The following ESX1 variants were observed in gnomAD, a reference collection of about 807,000 sequenced individuals.
ESX1 encodes the protein homeobox protein ESX1.
Under a neutral mutation model 13.2 loss-of-function variants are expected in ESX1, and 2 were observed. That is an observed-to-expected ratio of 0.15 (90% CI 0.06 to 0.48). ESX1 has a LOEUF of 0.48. Among genes scored for constraint, ESX1 ranks in the 20% least tolerant of loss-of-function variants. The pLI is 0.97. For missense variants in ESX1, 307 were observed against 379.0 expected (o/e 0.81, Z 1.58); for synonymous variants, 157 against 163.1 (o/e 0.96, Z 0.29).
At position 104,250,479 on chromosome X, in the gene ESX1, C is replaced by A. The variant is rs1439367756; in HGVS notation, c.970G>T (p.Gly324Trp). The A allele has an allele frequency of 9.6e-6, 9 of 936,706 alleles. 1 individual carries two copies. The Admixed American group carries it at 2.8e-4, about 29-fold the overall frequency. 77.2% of individuals were successfully genotyped at this position (936,706 alleles called of 1,213,427 possible). ...TGPPMAPVPP[G>W]PPMARVPPGP... ...GGTGGCACACGCGCCATGGGCGGCC[C>A]GGGTGGCACAGGCGCCATGGGCGGC... is the stretch of plus-strand genomic sequence containing the variant. Residue 324 changes from glycine (G) to tryptophan (W), a missense_variant, in exon 4 of 4, where the codon GGG becomes TGG. Physicochemically the swap from Gly to Trp is radical, Grantham distance 184 (BLOSUM62 -2). Transcript: ENST00000372588.
At position 104,254,459 on chromosome X, in the gene ESX1, G is replaced by C. The variant is rs781971606; in HGVS notation, c.201C>G (p.Val67=). 4.1e-6 allele frequency: 5 copies of C among 1,210,741 alleles called. No individual in the cohort carries two copies. Among genetic ancestry groups the C allele is most frequent in the Non-Finnish European group, 5.6e-6 (5 of 895,372 alleles). The change falls in exon 2 of 4, where the codon GTC becomes GTG. Residue 67 remains valine (V), a synonymous_variant. Coordinates refer to ENST00000372588, the MANE Select transcript of ESX1 (RefSeq NM_153448.4). ...AENNVGTEGS[V]PSDDQDREGG... ...CCTCACGGTCTTGGTCGTCCGAGGG[G>C]ACGGACCCTTCCGTGCCAACGTTGT...
chrX:104,251,688 C>T (rs1923187481), intron 3 of ESX1, among the ~76,000 whole-genome samples: 1 of 112,125 alleles, frequency 8.9e-6, no homozygotes, highest in Non-Finnish European at 1.9e-5. Flanking sequence ...CAAAATTAGT[C>T]ATAACTGCCT....
At position 104,250,665 on chromosome X, in the gene ESX1, G is replaced by T. The variant is rs1556394098; in HGVS notation, c.784C>A (p.Pro262Thr). 2 of 1,211,384 alleles carry T rather than the reference G, an allele frequency of 1.7e-6. No individual in the cohort carries two copies. ...ATAGGTGCTATGGGTGGCCTGGGTGGCATAGGGACCATGGGTGGCCTGGGT... is the reference window on the plus strand; with the variant it reads ...ATAGGTGCTATGGGTGGCCTGGGTGTCATAGGGACCATGGGTGGCCTGGGT... ...MPPRPPMVPM[P>T]PRPPIAPMPP... The change falls in exon 4 of 4, where the codon CCA becomes ACA. Residue 262 changes from proline (P) to threonine (T), a missense_variant. Physicochemically the swap from Pro to Thr is conservative, Grantham distance 38. This residue lies in a region of ESX1 where 108 missense variants were observed against 147.5 expected (regional missense o/e 0.73). Coordinates refer to ENST00000372588, the MANE Select transcript of ESX1 (RefSeq NM_153448.4).
rs1191346924 is a variant in ESX1, at chrX:104,252,636, T to C, written c.552+147A>G. On this transcript the variant is annotated intron_variant, in intron 3 of 3. Transcript: ENST00000372588. Reference sequence around the variant, plus strand: ...TCTGAAGTTTACACATCCTATTTTCTACCACTAAAGCCCCTACTGTTCAAA... The same window carrying C: ...TCTGAAGTTTACACATCCTATTTTCCACCACTAAAGCCCCTACTGTTCAAA... The C allele has an allele frequency of 1.1e-5, 6 of 537,721 alleles. No individual in the cohort carries two copies. In the Middle Eastern group the frequency reaches 9.8e-4, roughly 87 times the overall value. 44.3% of individuals were successfully genotyped at this position (537,721 alleles called of 1,213,427 possible).
At chrX:104,253,149 A>G (rs1923224475) in intron 2 of ESX1, among the ~76,000 whole-genome samples, 1 of 88,207 alleles carries the variant, frequency 1.1e-5, no homozygotes, top group Admixed American at 1.2e-4. Flanking sequence ...TCTCAAAAAA[A>G]AAACATATAT....
chrX:104,253,502 G>A (rs1307622982), intron 2 of ESX1, among the ~76,000 whole-genome samples: 1 of 111,964 alleles, frequency 8.9e-6, no homozygotes, highest in African/African-American at 3.2e-5. Context: ...TGAACTCTCA[G>A]GGAGGGAACT....
At chrX:104,252,161 T>G (rs1556394504) in intron 3 of ESX1, among the ~76,000 whole-genome samples, 1 of 112,463 alleles carries the variant, frequency 8.9e-6, no homozygotes, top group Non-Finnish European at 1.9e-5. Context: ...AGTACTGTGT[T>G]CTGTGTGTGA....
intron 2 of ESX1, among the ~76,000 whole-genome samples, chrX:104,253,538 C>T: frequency 8.9e-6 from 1 of 112,224 alleles, no homozygotes. Context: ...CAAGCGCGCC[C>T]TAGGGAAATT....
chrX:104,251,006 G>T, intron 3 of ESX1, 110 bp from the exon 4 acceptor site: 1 of 680,103 alleles, frequency 1.5e-6, no homozygotes, highest in Non-Finnish European at 2.2e-6. Context: ...ACTGCAACAG[G>T]TGAAGCTATT....
intron 3 of ESX1, among the ~76,000 whole-genome samples, 197 bp downstream of exon 3, chrX:104,252,586 C>T (rs1437089855): frequency 9.0e-6 from 1 of 111,601 alleles, no homozygotes; most frequent in Non-Finnish European, 1.9e-5. Context: ...ATCATATTTC[C>T]TCTGTTTATG....
In ESX1 at chrX:104,250,952, G is replaced by GA. The variant is rs782200998; in HGVS notation, c.553-57dup. 4.7e-5 allele frequency: 47 copies of GA among 1,008,884 alleles called. No individual in the cohort carries two copies. In the South Asian group the frequency reaches 1.1e-3, roughly 23 times the overall value. The allele number at this position is 1,008,884 out of a possible 1,213,427, so 83.1% of individuals were successfully genotyped here. A position where few individuals can be genotyped will look rare whatever the true frequency, so the allele number is the denominator to read the frequency against. On this transcript the variant is annotated intron_variant, in intron 3 of 3. Coordinates refer to ENST00000372588, the MANE Select transcript of ESX1 (RefSeq NM_153448.4). The stretch of plus-strand genomic sequence containing the variant: ...ATTTTGAACAGTTAACGTCATAATA[G>GA]AAAAAAACATAACATGGAATTCTAT...
At position 104,250,109 on chromosome X, in the gene ESX1, A is replaced by T; in HGVS notation, c.*119T>A. 1 of 829,829 alleles carries T rather than the reference A, an allele frequency of 1.2e-6. No homozygotes were observed. Among genetic ancestry groups the T allele is most frequent in the African/African-American group, 2.1e-5 (1 of 47,556 alleles). 68.4% of individuals were successfully genotyped at this position (829,829 alleles called of 1,213,427 possible). A position where few individuals can be genotyped will look rare whatever the true frequency, so the allele number is the denominator to read the frequency against. ...TACAAAAATAACAGGGCATTCGTTA[A>T]CTTTGTTCACCTACCCACTTCATTT... On this transcript the variant is annotated 3_prime_UTR_variant, in exon 4 of 4. Coordinates refer to ENST00000372588, the MANE Select transcript of ESX1 (RefSeq NM_153448.4).
At position 104,250,682 on chromosome X, in the gene ESX1, G is replaced by A; in HGVS notation, c.767C>T (p.Pro256Leu). The change falls in exon 4 of 4, where the codon CCA becomes CTA. Residue 256 changes from proline (P) to leucine (L), a missense_variant. Coordinates refer to ENST00000372588, the MANE Select transcript of ESX1 (RefSeq NM_153448.4). ...VLPVPPMPPR[P>L]PMVPMPPRPP... ...CCTGGGTGGCATAGGGACCATGGGTGGCCTGGGTGGCATAGGTGGCACAGG... is the reference window on the plus strand; with the variant it reads ...CCTGGGTGGCATAGGGACCATGGGTAGCCTGGGTGGCATAGGTGGCACAGG... The A allele has an allele frequency of 8.3e-7, 1 of 1,211,703 alleles. No individual in the cohort carries two copies. Among genetic ancestry groups the A allele is most frequent in the Non-Finnish European group, 1.1e-6 (1 of 895,369 alleles).
chrX:104,253,161 T>C (rs1362244944), intron 2 of ESX1, among the ~76,000 whole-genome samples: 2 of 107,553 alleles, frequency 1.9e-5, no homozygotes, highest in Admixed American at 1.0e-4. Context: ...AACATATATA[T>C]ATATATATAT....
At chrX:104,251,600 A>T (rs909784069) in intron 3 of ESX1, among the ~76,000 whole-genome samples, 1 of 111,722 alleles carries the variant, frequency 9.0e-6, no homozygotes, top group Non-Finnish European at 1.9e-5. Context: ...TTATTTATTT[A>T]TTTTTTTGCA....
chrX:104,254,877 C>A lies in ESX1; in HGVS notation c.-28G>T, dbSNP rs782276206. 8.8e-7 allele frequency: 1 copy of A among 1,142,296 alleles called. No homozygotes were observed. Among genetic ancestry groups the A allele is most frequent in the East Asian group, 3.0e-5 (1 of 33,547 alleles). The allele number at this position is 1,142,296 out of a possible 1,213,427, so 94.1% of individuals were successfully genotyped here. ...TTCAAGCGCTGTCGATAAAGCTGTG[C>A]ACTTCTGCAGACTCTGTGCGTGGTT... On this transcript the variant is annotated 5_prime_UTR_variant, in exon 1 of 4. Transcript: ENST00000372588.
chrX:104,250,961 A>G (rs1923170929), intron 3 of ESX1, 65 bp from the exon 4 acceptor site: 2 of 958,515 alleles, frequency 2.1e-6, no homozygotes, highest in African/African-American at 1.9e-5. Flanking sequence ...AGAAAAAAAC[A>G]TAACATGGAA....
In ESX1 at chrX:104,254,496, G is replaced by A; in HGVS notation, c.164C>T (p.Thr55Ile). The A allele has an allele frequency of 2.5e-6, 3 of 1,212,038 alleles. No individual in the cohort carries two copies. Among genetic ancestry groups the A allele is most frequent in the Non-Finnish European group, 3.3e-6 (3 of 895,639 alleles). Residue 55 changes from threonine to isoleucine, a missense_variant, in exon 2 of 4, where the codon ACA (threonine) becomes ATA (isoleucine). Coordinates refer to ENST00000372588, the MANE Select transcript of ESX1 (RefSeq NM_153448.4). Reference sequence around the variant, plus strand: ...CGTGCCAACGTTGTTTTCCGCTTCTGTTCCGTACTCAGGTTTGGACCGTGT... The same window carrying A: ...CGTGCCAACGTTGTTTTCCGCTTCTATTCCGTACTCAGGTTTGGACCGTGT... ...ENTRSKPEYG[T>I]EAENNVGTEG...
rs1338189050 is a variant in ESX1, at chrX:104,251,291, GGC to G, written c.553-397_553-396del. On this transcript the variant is annotated intron_variant, in intron 3 of 3. Transcript: ENST00000372588. Reference sequence around the variant, plus strand: ...TCATTTTTCCTTCTTTGTATTTTCTGGCTCTTTCTTCCTTCCTTCATAAATCC... The same window carrying G: ...TCATTTTTCCTTCTTTGTATTTTCTGTCTTTCTTCCTTCCTTCATAAATCC... Among the ~76,000 whole-genome samples, 6 of 112,316 alleles carry G rather than the reference GGC, an allele frequency of 5.3e-5. No homozygotes were observed. In the Admixed American group the frequency reaches 5.7e-4, roughly 11 times the overall value.
Sources: gnomAD v4.1 joint callset for allele counts (sites outside exome capture counted in the v4.1 genomes callset) on GRCh38, gnomAD v4.1.1 for gene constraint, gnomAD v4.1.1 regional missense constraint, MANE v1.5 for transcripts, NCBI Gene and HGNC (gene_info 2026-07-23, HGNC 2026-07-21) for gene names.